The following AMBRA1 variants were observed in gnomAD, a reference collection of about 807,000 sequenced individuals.
The protein encoded by AMBRA1 is activating molecule in BECN1-regulated autophagy protein 1.
AMBRA1 carries 47 observed loss-of-function variants against 125.4 expected under a neutral mutation model. That is an observed-to-expected ratio of 0.37 (90% CI 0.30 to 0.48). AMBRA1 has a LOEUF of 0.48. Among genes scored for constraint, AMBRA1 ranks in the 20% least tolerant of loss-of-function variants. AMBRA1 has a pLI of 0.99. For missense variants in AMBRA1, 1,331 were observed against 1,693.4 expected, an observed-to-expected ratio of 0.79 and a Z score of 3.76; for synonymous variants, 626 against 655.5, an observed-to-expected ratio of 0.95 and a Z score of 0.69.
chr11:46,416,099 T>C (rs945038606), intron 15 of AMBRA1, among the ~76,000 whole-genome samples: 1 of 152,148 alleles, frequency 6.6e-6, no homozygotes, highest in Admixed American at 6.5e-5. Flanking sequence ...AAAGAGGTCT[T>C]GGAGAAACAG....
rs375670328 is a variant in AMBRA1 at position 46,571,987 on chromosome 11, C to A, written c.-121+21841G>T. ...ACAGGCTTAAGCCACTGCGCCCTGC[C>A]CAATCAATCAATATCTTAAAAAGTT... On this transcript the variant is annotated intron_variant, in intron 1 of 17. Transcript: ENST00000683756. 9.4e-4 allele frequency among the ~76,000 whole-genome samples: 143 copies of A among 152,186 alleles called. 1 individual carries two copies. The South Asian group carries it at 0.028, about 30-fold the overall frequency.
At chr11:46,468,077 G>A (rs1565189861) in intron 11 of AMBRA1, among the ~76,000 whole-genome samples, 1 of 152,188 alleles carries the variant, frequency 6.6e-6, no homozygotes, top group Admixed American at 6.6e-5. Context: ...CAGGGCATAG[G>A]ATGGTGACAG....
At chr11:46,517,746 G>A (rs1381608045) in intron 7 of AMBRA1, among the ~76,000 whole-genome samples, 1 of 148,206 alleles carries the variant, frequency 6.7e-6, no homozygotes, top group African/African-American at 2.5e-5. Context: ...CAGGAGAATC[G>A]CTTGAACCCG....
rs1951314093 is a variant in AMBRA1, at chr11:46,512,735, G to A, written c.2151C>T (p.Asp717=). Residue 717 remains aspartate, a synonymous_variant, in exon 8 of 18, where the codon GAC becomes GAT. Transcript: ENST00000683756. ...AGSREHPIYP[D]PARLSPAAYY... is the part of the protein sequence containing the mutation. ...TCTCACTTTGGCCTTACCTCGCTGG[G>A]TCTGGGTAAATTGGGTGCTCTCTGG... The A allele has an allele frequency of 6.2e-7, 1 of 1,613,090 alleles. No homozygotes were observed. Among genetic ancestry groups the A allele is most frequent in the Non-Finnish European group, 8.5e-7 (1 of 1,179,588 alleles).
At chr11:46,432,856 C>T (rs7123865) in intron 14 of AMBRA1, among the ~76,000 whole-genome samples, 6 of 152,192 alleles carry the variant, frequency 3.9e-5, no homozygotes, top group East Asian at 3.9e-4. Context: ...ACCTATGGGA[C>T]GTGGGACGTT....
intron 11 of AMBRA1, among the ~76,000 whole-genome samples, chr11:46,443,833 G>T (rs1197851929): frequency 6.6e-6 from 1 of 152,156 alleles, no homozygotes; most frequent in Non-Finnish European, 1.5e-5. Flanking sequence ...CCTTCCCATT[G>T]TTACTTAACA....
At chr11:46,545,400 C>T (rs947437290) in intron 5 of AMBRA1, among the ~76,000 whole-genome samples, 7 of 151,694 alleles carry the variant, frequency 4.6e-5, no homozygotes, top group Non-Finnish European at 7.4e-5. Context: ...AGGCAGAGGT[C>T]GCAGTGAGAC....
At chr11:46,451,301 T>C (rs910156939) in intron 11 of AMBRA1, among the ~76,000 whole-genome samples, 2 of 152,224 alleles carry the variant, frequency 1.3e-5, no homozygotes, top group African/African-American at 4.8e-5. Flanking sequence ...CTTCAACTTG[T>C]AGGCCAGAGC....
At chr11:46,464,285 T>A (rs1317325621) in intron 11 of AMBRA1, among the ~76,000 whole-genome samples, 1 of 152,188 alleles carries the variant, frequency 6.6e-6, no homozygotes, top group African/African-American at 2.4e-5. Flanking sequence ...TGCAGGCTTA[T>A]CCCTCTTGGC....
chr11:46,568,433 G>A (rs1304339767), intron 1 of AMBRA1, among the ~76,000 whole-genome samples: 1 of 151,896 alleles, frequency 6.6e-6, no homozygotes, highest in Admixed American at 6.6e-5. Flanking sequence ...ACTCCAGCTT[G>A]GGTGACAAGA....
chr11:46,493,444 T>G (rs1348074808), intron 11 of AMBRA1, among the ~76,000 whole-genome samples, 164 bp downstream of exon 11: 5 of 152,184 alleles, frequency 3.3e-5, no homozygotes, highest in Admixed American at 3.3e-4. Flanking sequence ...ACCCTGCCAT[T>G]TCCTGCCTTC....
intron 9 of AMBRA1, among the ~76,000 whole-genome samples, chr11:46,495,989 C>G (rs1383758385): frequency 6.6e-6 from 1 of 152,148 alleles, no homozygotes; most frequent in Non-Finnish European, 1.5e-5. Context: ...CAGTGGTGTG[C>G]ATCTGTAGTC....
chr11:46,423,100 T>C (rs570759459), intron 14 of AMBRA1, among the ~76,000 whole-genome samples: 1 of 152,310 alleles, frequency 6.6e-6, no homozygotes, highest in South Asian at 2.1e-4. Flanking sequence ...AGAAAGCAGA[T>C]GCTAAGAGAC....
At chr11:46,449,808 C>G (rs1474165861) in intron 11 of AMBRA1, among the ~76,000 whole-genome samples, 1 of 152,184 alleles carries the variant, frequency 6.6e-6, no homozygotes, top group Non-Finnish European at 1.5e-5. Flanking sequence ...CGCCTGTAAT[C>G]CCAGCACTTT....
Sources: allele counts gnomAD v4.1 joint callset (sites outside exome capture counted in the v4.1 genomes callset), GRCh38; gene constraint gnomAD v4.1.1; transcripts MANE v1.5; gene names NCBI Gene and HGNC (gene_info 2026-07-23, HGNC 2026-07-21).